Variants in PCDHA6 observed in about 807,000 individuals in gnomAD.
The protein encoded by PCDHA6 is protocadherin alpha 6, also known as protocadherin alpha-6.
In PCDHA6, 55 loss-of-function variants were observed where a neutral mutation model predicts 60.3. The ratio of observed to expected loss-of-function variants is 0.91; its 90% CI spans 0.73 to 1.14. The LOEUF is 1.14. Among genes scored for constraint, PCDHA6 ranks in the 50% most tolerant of loss-of-function variants. The pLI is 0.00. For synonymous variants in PCDHA6, 652 were observed against 557.9 expected (o/e 1.17, Z -2.38); for missense variants, 1,327 against 1,256.5 (o/e 1.06, Z -0.85).
At chr5:140,856,743 T>A in intron 1 of PCDHA6, 1 of 1,596,776 alleles carries the variant, frequency 6.3e-7, no homozygotes, top group Non-Finnish European at 8.6e-7. Flanking sequence ...ATCCTGGTGT[T>A]AGATGCCAAT....
At chr5:140,871,728 G>A in intron 1 of PCDHA6, 1 of 724,824 alleles carries the variant, frequency 1.4e-6, no homozygotes, top group South Asian at 2.4e-5. Flanking sequence ...CTTAATATTT[G>A]GTTAGCAAAT....
At chr5:140,841,198 C>A in intron 1 of PCDHA6, 1 of 1,281,352 alleles carries the variant, frequency 7.8e-7, no homozygotes, top group Non-Finnish European at 1.1e-6. Context: ...TTTTCTCTGA[C>A]AGCATCTGTC....
chr5:140,996,217 T>C (rs2097717491), intron 3 of PCDHA6, among the ~76,000 whole-genome samples: 1 of 152,192 alleles, frequency 6.6e-6, no homozygotes, highest in South Asian at 2.1e-4. Context: ...TCACTACTTG[T>C]CTAGAAATGG....
chr5:140,951,008 G>A (rs563188363), intron 1 of PCDHA6, among the ~76,000 whole-genome samples: 2 of 151,974 alleles, frequency 1.3e-5, no homozygotes, highest in South Asian at 4.2e-4. Flanking sequence ...TTTTTCCCAA[G>A]ATCAGGCAGT....
intron 1 of PCDHA6, among the ~76,000 whole-genome samples, chr5:140,900,909 G>T (rs1470878423): frequency 1.3e-5 from 2 of 152,184 alleles, no homozygotes; most frequent in Middle Eastern, 3.4e-3. Context: ...TTTAACTGTG[G>T]TAAGATGATA....
intron 1 of PCDHA6, chr5:140,869,124 G>C: frequency 6.2e-7 from 1 of 1,608,632 alleles, no homozygotes; most frequent in East Asian, 2.2e-5. Flanking sequence ...TTCAGAGAAG[G>C]GGATTGGGCA....
chr5:140,967,073 G>C (rs1554229137), intron 1 of PCDHA6: 1 of 1,613,160 alleles, frequency 6.2e-7, no homozygotes, highest in Non-Finnish European at 8.5e-7. Context: ...CTTCGTCAAC[G>C]AGCGCATTGA....
rs1022293477 is a variant in PCDHA6, at chr5:140,841,242, T to C, written c.2394+10757T>C. 4.7e-6 allele frequency: 7 copies of C among 1,492,124 alleles called. No individual in the cohort carries two copies. The Admixed American group carries it at 6.7e-5, about 14-fold the overall frequency. The allele number at this position is 1,492,124 out of a possible 1,614,324, so 92.4% of individuals were successfully genotyped here. On this transcript the variant is annotated intron_variant, in intron 1 of 3. Transcript: ENST00000529310. ...CCGAACAACGGGAGATGCAGCGGAATTGGATTAAAAGACTCTGAAAGTACA... is the reference window on the plus strand; with the variant it reads ...CCGAACAACGGGAGATGCAGCGGAACTGGATTAAAAGACTCTGAAAGTACA...
intron 1 of PCDHA6, chr5:140,834,234 C>T: frequency 1.3e-6 from 1 of 766,094 alleles, no homozygotes; most frequent in Non-Finnish European, 2.1e-6. Context: ...GGAAGTCATT[C>T]CTTTTCGCAC....
intron 1 of PCDHA6, among the ~76,000 whole-genome samples, chr5:140,914,956 T>C (rs2076915145): frequency 6.6e-6 from 1 of 150,718 alleles, no homozygotes; most frequent in African/African-American, 2.4e-5. Flanking sequence ...TTTTTTTTTT[T>C]TTTTTTCTGA....
At chr5:140,952,161 G>A (rs1002170545) in intron 1 of PCDHA6, among the ~76,000 whole-genome samples, 1 of 152,046 alleles carries the variant, frequency 6.6e-6, no homozygotes, top group Non-Finnish European at 1.5e-5. Flanking sequence ...GCTTTGTGGG[G>A]TTCAGTTCCT....
chr5:140,845,791 T>C (rs1780035450), intron 1 of PCDHA6, among the ~76,000 whole-genome samples: 1 of 149,740 alleles, frequency 6.7e-6, no homozygotes, highest in Admixed American at 6.7e-5. Flanking sequence ...AATAATAAAC[T>C]CTGGCAAGTG....
intron 1 of PCDHA6, chr5:140,927,024 G>A (rs1554203920): frequency 6.2e-7 from 1 of 1,612,408 alleles, no homozygotes. Flanking sequence ...CGGACTTGAG[G>A]CTGCCAGCGG....
In PCDHA6 at chr5:140,877,150, G is replaced by T. The variant is rs370292278; in HGVS notation, c.2394+46665G>T. On this transcript the variant is annotated intron_variant, in intron 1 of 3. Coordinates refer to ENST00000529310, the MANE Select transcript of PCDHA6 (RefSeq NM_018909.4). Reference sequence around the variant, plus strand: ...GCAGGTGTTCGTGCTGGACGAGAACGACAACGCGCCGGCACTGCTGGCGAC... The same window carrying T: ...GCAGGTGTTCGTGCTGGACGAGAACTACAACGCGCCGGCACTGCTGGCGAC... 1.7e-5 allele frequency: 27 copies of T among 1,613,672 alleles called. No homozygotes were observed. Among genetic ancestry groups the T allele is most frequent in the Non-Finnish European group, 2.2e-5 (26 of 1,179,864 alleles).
intron 2 of PCDHA6, 142 bp from the exon 3 acceptor site, chr5:140,982,333 A>C (rs2096978357): frequency 1.4e-6 from 2 of 1,438,566 alleles, no homozygotes; most frequent in Admixed American, 4.6e-5. Context: ...ACTGCTCAGC[A>C]GTAATTGCTT....
At chr5:140,930,553 A>C (rs1252554591) in intron 1 of PCDHA6, 1 of 152,562 alleles carries the variant, frequency 6.6e-6, no homozygotes, top group Non-Finnish European at 1.5e-5. Flanking sequence ...TTAGGACAAC[A>C]TTTTGAAGCA....
At chr5:140,869,139 AC>A in intron 1 of PCDHA6, 1 of 1,613,274 alleles carries the variant, frequency 6.2e-7, no homozygotes. Flanking sequence ...TGGGCACCCC[AC>A]GACTACAGCT....
At chr5:140,927,808 T>A (rs782535814) in intron 1 of PCDHA6, 1 of 1,614,208 alleles carries the variant, frequency 6.2e-7, no homozygotes, top group African/African-American at 1.3e-5. Context: ...TGAAACGCTC[T>A]TGGAGGCATA....
At chr5:140,932,091 T>G (rs904157159) in intron 1 of PCDHA6, among the ~76,000 whole-genome samples, 1 of 151,872 alleles carries the variant, frequency 6.6e-6, no homozygotes, top group Non-Finnish European at 1.5e-5. Context: ...GAAAACATGG[T>G]TTTTATCTCT....
Sources: gnomAD v4.1 joint callset for allele counts (sites outside exome capture counted in the v4.1 genomes callset) on GRCh38, gnomAD v4.1.1 for gene constraint, MANE v1.5 for transcripts, NCBI Gene and HGNC (gene_info 2026-07-23, HGNC 2026-07-21) for gene names.